RASEF: variants seen among roughly 807,000 people sequenced by gnomAD.
The protein encoded by RASEF is RAS and EF-hand domain containing.
Under a neutral mutation model 90.1 loss-of-function variants are expected in RASEF, and 68 were observed. That is an observed-to-expected ratio of 0.75 (90% confidence interval 0.62 to 0.92). RASEF has a LOEUF of 0.92. Among genes scored for constraint, RASEF ranks in the 40% least tolerant of loss-of-function variants. RASEF has a pLI of 0.00. For missense variants in RASEF, 949 were observed against 937.2 expected, an observed-to-expected ratio of 1.01 and a Z score of -0.16; for synonymous variants, 331 against 345.2, an observed-to-expected ratio of 0.96 and a Z score of 0.46.
At chr9:83,214,376 C>T in the RASEF span, among the ~76,000 whole-genome samples, 1 of 152,200 alleles carries the variant, frequency 6.6e-6, no homozygotes, top group South Asian at 2.1e-4. Context: ...CAGAGCAAGA[C>T]TCTGTCTCAA....
At position 83,062,338 on chromosome 9, in the gene RASEF, T is replaced by C. The variant is rs927712895; in HGVS notation, c.431+99A>G. The C allele has an allele frequency of 4.0e-6, 3 of 749,070 alleles. No individual in the cohort carries two copies. The African/African-American group carries it at 1.3e-4, about 32-fold the overall frequency. 46.4% of individuals were successfully genotyped at this position (749,070 alleles called of 1,614,324 possible). On this transcript the variant is annotated intron_variant, in intron 1 of 16. Transcript: ENST00000376447. Reference sequence around the variant, plus strand: ...AAGACAAGCAACTCACAGAGAAGACTAGGGGGGGGGGCCATTGGGTCTGCA... The same window carrying C: ...AAGACAAGCAACTCACAGAGAAGACCAGGGGGGGGGGCCATTGGGTCTGCA...
At chr9:83,179,102 T>C in the RASEF span, among the ~76,000 whole-genome samples, 1 of 152,204 alleles carries the variant, frequency 6.6e-6, no homozygotes, top group Admixed American at 6.5e-5. Flanking sequence ...ACAGTACTTA[T>C]ACCATTATTT....
At chr9:83,076,083 G>C in the RASEF span, among the ~76,000 whole-genome samples, 3 of 151,614 alleles carry the variant, frequency 2.0e-5, no homozygotes, top group African/African-American at 7.3e-5. Flanking sequence ...CAGGAGAACT[G>C]CTTGAACCAG....
At chr9:83,134,594 A>G in the RASEF span, among the ~76,000 whole-genome samples, 1 of 152,164 alleles carries the variant, frequency 6.6e-6, no homozygotes, top group Non-Finnish European at 1.5e-5. Context: ...TCTAATTATT[A>G]ATATATGTCC....
In RASEF at chr9:82,983,798, A is replaced by G. The variant is rs570373231; in HGVS notation, c.2118-1016T>C. On this transcript the variant is annotated intron_variant, in intron 16 of 16. Transcript: ENST00000376447. ...GGTTCAAGGAGTCCAGGGTTCCTCA[A>G]TGGAGAGAGGCCACCAGAGTGGCCC... Among the ~76,000 whole-genome samples the G allele has an allele frequency of 4.3e-3, 658 of 152,304 alleles. 4 individuals are homozygous for G. The highest frequency in any genetic ancestry group is 0.02 in the Middle Eastern group (6 of 294).
the RASEF span, among the ~76,000 whole-genome samples, chr9:83,094,249 C>A: frequency 6.8e-6 from 1 of 147,616 alleles, no homozygotes; most frequent in African/African-American, 2.7e-5. Context: ...TGAAATATGT[C>A]CACCTGAATT....
the RASEF span, among the ~76,000 whole-genome samples, chr9:83,075,344 T>G: frequency 6.6e-6 from 1 of 152,220 alleles, no homozygotes; most frequent in Non-Finnish European, 1.5e-5. Flanking sequence ...CTCAGTTGTA[T>G]GTGTGTGCGT....
chr9:83,154,024 C>T, the RASEF span, among the ~76,000 whole-genome samples: 2 of 152,228 alleles, frequency 1.3e-5, no homozygotes, highest in Non-Finnish European at 2.9e-5. Flanking sequence ...GGTTCTGCTA[C>T]TAACTGCTGT....
At chr9:83,200,197 G>A in the RASEF span, among the ~76,000 whole-genome samples, 1 of 152,010 alleles carries the variant, frequency 6.6e-6, no homozygotes, top group African/African-American at 2.4e-5. Context: ...GGAGTTTGAG[G>A]CCAGGCTGAC....
chr9:83,077,567 C>A, the RASEF span, among the ~76,000 whole-genome samples: 6 of 151,554 alleles, frequency 4.0e-5, no homozygotes, highest in Admixed American at 3.9e-4. Context: ...GTCCAGACTG[C>A]AAAAAATGAA....
the RASEF span, among the ~76,000 whole-genome samples, chr9:83,197,257 GA>G: frequency 2.0e-5 from 3 of 152,286 alleles, no homozygotes; most frequent in South Asian, 6.2e-4. Flanking sequence ...TCATCACACA[GA>G]GCTTTTAGAG....
the RASEF span, among the ~76,000 whole-genome samples, chr9:83,115,137 G>A: frequency 8.5e-5 from 13 of 152,100 alleles, no homozygotes; most frequent in African/African-American, 1.9e-4. Context: ...AAGAGCCTAC[G>A]TGAAATATCG....
At chr9:83,108,370 T>C in the RASEF span, among the ~76,000 whole-genome samples, 1 of 152,174 alleles carries the variant, frequency 6.6e-6, no homozygotes, top group Non-Finnish European at 1.5e-5. Context: ...TGGACAACCC[T>C]GTTTTTGTAA....
chr9:83,120,173 T>G, the RASEF span, among the ~76,000 whole-genome samples: 1 of 152,308 alleles, frequency 6.6e-6, no homozygotes, highest in Non-Finnish European at 1.5e-5. Context: ...GGTTGGGCAG[T>G]CAGAGAGGAA....
intron 1 of RASEF, among the ~76,000 whole-genome samples, chr9:83,030,090 G>A (rs543093043): frequency 6.6e-6 from 1 of 152,278 alleles, no homozygotes; most frequent in East Asian, 1.9e-4. Context: ...CGAGTGGGGG[G>A]ATGTGGTGGC....
the RASEF span, among the ~76,000 whole-genome samples, chr9:83,146,303 G>A: frequency 6.6e-6 from 1 of 151,650 alleles, no homozygotes. Flanking sequence ...CATCCCTAAG[G>A]GTCCTTCTAG....
intron 15 of RASEF, among the ~76,000 whole-genome samples, chr9:82,990,878 T>C (rs1282338971): frequency 1.3e-5 from 2 of 152,146 alleles, no homozygotes; most frequent in African/African-American, 2.4e-5. Flanking sequence ...TCCCGCTAAC[T>C]TTTCCCTTCT....
At chr9:83,169,970 G>A in the RASEF span, among the ~76,000 whole-genome samples, 1 of 151,858 alleles carries the variant, frequency 6.6e-6, no homozygotes, top group African/African-American at 2.4e-5. Context: ...TGTTGCCTGT[G>A]CTTCTAAGGT....
At chr9:83,119,492 G>A in the RASEF span, among the ~76,000 whole-genome samples, 1 of 152,118 alleles carries the variant, frequency 6.6e-6, no homozygotes, top group Non-Finnish European at 1.5e-5. Flanking sequence ...TGATGGCTTG[G>A]TGCAGGGGAA....
Sources: allele counts gnomAD v4.1 joint callset (sites outside exome capture counted in the v4.1 genomes callset), GRCh38; gene constraint gnomAD v4.1.1; transcripts MANE v1.5; gene names NCBI Gene and HGNC (gene_info 2026-07-23, HGNC 2026-07-21).